CNTNAP2: variants seen among roughly 807,000 people sequenced by gnomAD.
CNTNAP2 encodes contactin-associated protein-like 2.
Under a neutral mutation model 155.2 loss-of-function variants are expected in CNTNAP2, and 98 were observed. The observed-to-expected ratio is 0.63, with a 90% CI of 0.54 to 0.75. CNTNAP2 has a LOEUF of 0.75. Ranked by LOEUF, CNTNAP2 falls within the 30% of genes least tolerant of loss-of-function variation. The probability of loss-of-function intolerance (pLI) is 0.00; values close to 1 mark genes in which losing one functional copy is unlikely to be tolerated. For synonymous variants in CNTNAP2, 651 were observed against 631.2 expected, an observed-to-expected ratio of 1.03 and a Z score of -0.47; for missense variants, 1,727 against 1,688.1, an observed-to-expected ratio of 1.02 and a Z score of -0.40.
chr7:146,131,857 C>T (rs192678665), intron 1 of CNTNAP2, among the ~76,000 whole-genome samples: 16 of 152,192 alleles, frequency 1.1e-4, no homozygotes, highest in Middle Eastern at 3.4e-3. Flanking sequence ...ATGCTGTTCT[C>T]GTGATAGTGA....
intron 9 of CNTNAP2, among the ~76,000 whole-genome samples, chr7:147,356,521 T>C (rs542560997): frequency 1.6e-4 from 24 of 152,212 alleles, no homozygotes; most frequent in African/African-American, 5.5e-4. Context: ...GATTATACAT[T>C]TAGAAAACCC....
chr7:148,296,500 C>G (rs1240551943), intron 21 of CNTNAP2, among the ~76,000 whole-genome samples: 1 of 132,654 alleles, frequency 7.5e-6, no homozygotes, highest in Non-Finnish European at 1.5e-5. Context: ...GAGCCAAGAT[C>G]ACGCTGCTGC....
chr7:148,231,580 C>T (rs1213161171), intron 20 of CNTNAP2, among the ~76,000 whole-genome samples: 1 of 152,162 alleles, frequency 6.6e-6, no homozygotes, highest in Non-Finnish European at 1.5e-5. Flanking sequence ...ATCTCTGCCT[C>T]TCTCTGAAGA....
Position 146,897,390 on chromosome 7 carries a change from G to C in CNTNAP2, c.402+57486G>C, listed in dbSNP as rs561253353. On this transcript the variant is annotated intron_variant, in intron 3 of 23. Transcript: ENST00000361727. ...GGAAAATCCTGATATCAGAATTCTA[G>C]TGTAAAGACTTGTGATTTTAAGATT... 9.2e-5 allele frequency among the ~76,000 whole-genome samples: 14 copies of C among 152,052 alleles called. No individual in the cohort carries two copies. The South Asian group carries it at 1.0e-3, about 11-fold the overall frequency.
chr7:147,946,179 G>T (rs925502480), intron 14 of CNTNAP2, among the ~76,000 whole-genome samples: 3 of 152,062 alleles, frequency 2.0e-5, no homozygotes, highest in Non-Finnish European at 4.4e-5. Flanking sequence ...TCTAAGGAAG[G>T]CCACTTTCTT....
intron 3 of CNTNAP2, among the ~76,000 whole-genome samples, chr7:146,918,979 A>G: frequency 6.6e-6 from 1 of 152,098 alleles, no homozygotes; most frequent in East Asian, 1.9e-4. Context: ...CATTGCTGAG[A>G]CTTGCCAGTG....
intron 9 of CNTNAP2, among the ~76,000 whole-genome samples, chr7:147,349,981 C>T (rs1045862375): frequency 3.3e-5 from 5 of 151,800 alleles, no homozygotes; most frequent in African/African-American, 1.2e-4. Context: ...TGCCTGGGCT[C>T]TTAAATTATT....
chr7:147,341,070 T>TTG (rs61319652), intron 9 of CNTNAP2, among the ~76,000 whole-genome samples: 55 of 148,884 alleles, frequency 3.7e-4, no homozygotes, highest in East Asian at 1.4e-3. Context: ...CATTGTGTGT[T>TTG]TGTGTGTGTG....
At chr7:147,750,802 G>A (rs761531200) in intron 13 of CNTNAP2, among the ~76,000 whole-genome samples, 1 of 152,154 alleles carries the variant, frequency 6.6e-6, no homozygotes, top group Admixed American at 6.5e-5. Flanking sequence ...AGTTTGGGAG[G>A]CCAAGGCGGG....
intron 12 of CNTNAP2, among the ~76,000 whole-genome samples, chr7:147,580,562 T>G (rs1359300226): frequency 2.6e-5 from 2 of 77,070 alleles, no homozygotes; most frequent in Non-Finnish European, 5.1e-5. Context: ...ACACCTTGTA[T>G]TGCTGTCTAT....
intron 4 of CNTNAP2, among the ~76,000 whole-genome samples, chr7:147,096,468 T>C (rs1245502410): frequency 1.3e-5 from 2 of 152,220 alleles, no homozygotes; most frequent in Non-Finnish European, 2.9e-5. Context: ...GAGCTTTTAA[T>C]CTCTTCATTA....
chr7:148,275,445 C>T (rs761944227), intron 21 of CNTNAP2, among the ~76,000 whole-genome samples: 10 of 152,058 alleles, frequency 6.6e-5, no homozygotes, highest in Non-Finnish European at 8.8e-5. Context: ...GCCATAAGGG[C>T]GGGGGAGGTC....
At chr7:148,073,117 A>G (rs915587823) in intron 15 of CNTNAP2, among the ~76,000 whole-genome samples, 11 of 152,194 alleles carry the variant, frequency 7.2e-5, no homozygotes, top group African/African-American at 2.7e-4. Flanking sequence ...ACAGACATTG[A>G]CAAATGACCT....
chr7:146,722,319 G>A (rs1801352568), intron 1 of CNTNAP2, among the ~76,000 whole-genome samples: 1 of 152,078 alleles, frequency 6.6e-6, no homozygotes, highest in African/African-American at 2.4e-5. Flanking sequence ...TCCTGTGATG[G>A]GTAGGGCTTG....
rs190032116 is a variant in CNTNAP2 at position 148,314,213 on chromosome 7, G to C, written c.3475+47087G>C. Among the ~76,000 whole-genome samples the C allele has an allele frequency of 3.1e-3, 466 of 152,252 alleles. 3 individuals are homozygous for C. The highest frequency in any genetic ancestry group is 4.6e-3 in the Non-Finnish European group (316 of 68,014). On this transcript the variant is annotated intron_variant, in intron 21 of 23. Coordinates refer to ENST00000361727, the MANE Select transcript of CNTNAP2 (RefSeq NM_014141.6). ...GTTGGGACTAAGGGGACAGGTGGGA[G>C]GGAAAGAAGGAAGATTTGGGACAAG...
At chr7:148,023,891 C>T (rs1472943194) in intron 15 of CNTNAP2, among the ~76,000 whole-genome samples, 2 of 152,088 alleles carry the variant, frequency 1.3e-5, no homozygotes, top group African/African-American at 4.8e-5. Flanking sequence ...AAATACAAAA[C>T]TCTCTAGATG....
At chr7:147,756,927 G>A (rs1797220360) in intron 13 of CNTNAP2, among the ~76,000 whole-genome samples, 2 of 152,164 alleles carry the variant, frequency 1.3e-5, no homozygotes, top group African/African-American at 4.8e-5. Flanking sequence ...GAATACTTAA[G>A]TCAGTCTGTC....
intron 18 of CNTNAP2, among the ~76,000 whole-genome samples, chr7:148,179,449 A>G (rs1427487558): frequency 1.3e-5 from 2 of 151,778 alleles, no homozygotes; most frequent in East Asian, 1.9e-4. Flanking sequence ...CAAGGCTTCA[A>G]TCAGCCGAGA....
At chr7:146,820,184 T>C (rs762928317) in intron 2 of CNTNAP2, among the ~76,000 whole-genome samples, 1 of 152,164 alleles carries the variant, frequency 6.6e-6, no homozygotes, top group Non-Finnish European at 1.5e-5. Context: ...GTGAGTTTTA[T>C]GTTTTTTCAG....
Sources: gnomAD v4.1 joint callset for allele counts (sites outside exome capture counted in the v4.1 genomes callset) on GRCh38, gnomAD v4.1.1 for gene constraint, MANE v1.5 for transcripts, NCBI Gene and HGNC (gene_info 2026-07-23, HGNC 2026-07-21) for gene names.